The following WDPCP variants were observed in gnomAD, a reference collection of about 807,000 sequenced individuals.
WDPCP encodes WD repeat containing planar cell polarity effector.
Under a neutral mutation model 93.1 loss-of-function variants are expected in WDPCP, and 71 were observed. The ratio of observed to expected loss-of-function variants is 0.76; its 90% confidence interval spans 0.63 to 0.93. The LOEUF is 0.93. Ranked by LOEUF, WDPCP falls within the 40% of genes least tolerant of loss-of-function variation. The pLI, the probability that WDPCP is intolerant of heterozygous loss-of-function variation, is 0.00. For synonymous variants in WDPCP, 315 were observed against 315.0 expected (o/e 1.00, Z 0.00); for missense variants, 844 against 887.4 (o/e 0.95, Z 0.62).
chr2:63,478,824 A>T (rs1373117156), intron 6 of WDPCP, among the ~76,000 whole-genome samples: 1 of 152,100 alleles, frequency 6.6e-6, no homozygotes, highest in Non-Finnish European at 1.5e-5. Flanking sequence ...AATAACAAAG[A>T]TCAGAGCAGA....
intron 2 of WDPCP, among the ~76,000 whole-genome samples, chr2:63,682,611 T>A (rs1365901879): frequency 6.6e-6 from 1 of 152,050 alleles, no homozygotes; most frequent in Non-Finnish European, 1.5e-5. Flanking sequence ...GAGATACAGA[T>A]AGAAAGTTTA....
chr2:63,471,309 A>T (rs546723836), intron 6 of WDPCP, among the ~76,000 whole-genome samples: 3 of 152,370 alleles, frequency 2.0e-5, no homozygotes, highest in Admixed American at 6.5e-5. Flanking sequence ...CATATCTCAG[A>T]TTCAGACTTC....
chr2:63,605,889 C>A, intron 3 of WDPCP: 1 of 1,423,522 alleles, frequency 7.0e-7, no homozygotes, highest in Non-Finnish European at 9.9e-7. Flanking sequence ...GTTCATGTGT[C>A]AGTTGTGTAA....
At chr2:63,363,665 C>T (rs1457399202) in intron 12 of WDPCP, among the ~76,000 whole-genome samples, 1 of 151,994 alleles carries the variant, frequency 6.6e-6, no homozygotes, top group Non-Finnish European at 1.5e-5. Flanking sequence ...AATTATTAAC[C>T]TTCAAATACG....
At chr2:63,198,205 C>G (rs1040813696) in intron 14 of WDPCP, among the ~76,000 whole-genome samples, 1 of 152,182 alleles carries the variant, frequency 6.6e-6, no homozygotes, top group African/African-American at 2.4e-5. Context: ...TGAAGTTCAT[C>G]TTTTCTCCAC....
chr2:63,547,819 G>A (rs894347983), intron 1 of WDPCP, among the ~76,000 whole-genome samples: 1 of 151,962 alleles, frequency 6.6e-6, no homozygotes, highest in African/African-American at 2.4e-5. Flanking sequence ...GGAAGGTGGG[G>A]TGGGGGATGA....
chr2:63,752,844 C>G (rs919945541), intron 2 of WDPCP, among the ~76,000 whole-genome samples: 1 of 152,036 alleles, frequency 6.6e-6, no homozygotes, highest in African/African-American at 2.4e-5. Flanking sequence ...AGGCGCCCAC[C>G]ACCAGCCCAG....
chr2:63,661,036 C>T (rs1710220532), intron 2 of WDPCP, among the ~76,000 whole-genome samples: 1 of 152,174 alleles, frequency 6.6e-6, no homozygotes, highest in Non-Finnish European at 1.5e-5. Flanking sequence ...TACTTAACAT[C>T]ATCTGTAGTT....
At chr2:63,145,239 G>A (rs1671401346) in intron 17 of WDPCP, among the ~76,000 whole-genome samples, 2 of 152,102 alleles carry the variant, frequency 1.3e-5, no homozygotes, top group Non-Finnish European at 2.9e-5. Context: ...TTGGACTCTT[G>A]CCAGGAGGTG....
chr2:63,379,395 C>T (rs1692117495), intron 11 of WDPCP, among the ~76,000 whole-genome samples: 1 of 152,058 alleles, frequency 6.6e-6, no homozygotes, highest in South Asian at 2.1e-4. Flanking sequence ...TTAAATACCT[C>T]ATCAGAGTAA....
At chr2:63,545,703 C>G (rs922452362) in intron 1 of WDPCP, among the ~76,000 whole-genome samples, 4 of 151,874 alleles carry the variant, frequency 2.6e-5, no homozygotes, top group Non-Finnish European at 5.9e-5. Flanking sequence ...TCAGATCCAC[C>G]TAGAAACATT....
chr2:63,313,630 T>G, intron 12 of WDPCP, among the ~76,000 whole-genome samples: 1 of 151,994 alleles, frequency 6.6e-6, no homozygotes, highest in South Asian at 2.1e-4. Flanking sequence ...TTTGCCTGAA[T>G]CCCTCTCAGC....
intron 2 of WDPCP, among the ~76,000 whole-genome samples, chr2:63,691,419 G>C (rs1463042289): frequency 6.6e-6 from 1 of 152,166 alleles, no homozygotes; most frequent in Non-Finnish European, 1.5e-5. Context: ...CAGATCACTT[G>C]AGGTCAGGAG....
intron 14 of WDPCP, among the ~76,000 whole-genome samples, chr2:63,236,062 T>C (rs1023022224): frequency 6.6e-6 from 1 of 152,210 alleles, no homozygotes; most frequent in African/African-American, 2.4e-5. Flanking sequence ...GCTGATAATA[T>C]GATTCTGTAT....
Position 63,766,913 on chromosome 2 carries a change from C to T in WDPCP, n.308+46709G>A, listed in dbSNP as rs560519182. On this transcript the variant is annotated intron_variant and non_coding_transcript_variant, in intron 2 of 4. Transcript: ENST00000467687. ...CAATAACTCCCATTCCCTTCTATCC[C>T]GAGCCCATGGAAACCACTATTCTAC... Among the ~76,000 whole-genome samples, 58 of 152,208 alleles carry T rather than the reference C, an allele frequency of 3.8e-4. 1 individual carries two copies. The highest frequency in any genetic ancestry group is 1.3e-3 in the African/African-American group (53 of 41,550).
At chr2:63,437,820 G>A (rs1697238346) in intron 7 of WDPCP, 10 of 1,570,360 alleles carry the variant, frequency 6.4e-6, no homozygotes, top group Non-Finnish European at 8.7e-6. Flanking sequence ...GATGTATTTA[G>A]AAACAGGGCT....
At chr2:63,708,912 T>TA (rs1669214575) in intron 2 of WDPCP, among the ~76,000 whole-genome samples, 1 of 150,768 alleles carries the variant, frequency 6.6e-6, no homozygotes, top group Non-Finnish European at 1.5e-5. Flanking sequence ...GCCTGGCCAA[T>TA]AGCTACCCAT....
chr2:63,659,109 G>A (rs1163826319), intron 2 of WDPCP, among the ~76,000 whole-genome samples: 1 of 152,126 alleles, frequency 6.6e-6, no homozygotes, highest in African/African-American at 2.4e-5. Context: ...ACAAGAGATG[G>A]GGTAAATATA....
At chr2:63,580,082 C>A (rs1204087845) in intron 1 of WDPCP, among the ~76,000 whole-genome samples, 1 of 152,142 alleles carries the variant, frequency 6.6e-6, no homozygotes, top group Non-Finnish European at 1.5e-5. Context: ...GACTTCCAAG[C>A]CTCCAGGACT....
Sources: gnomAD v4.1 joint callset for allele counts (sites outside exome capture counted in the v4.1 genomes callset) on GRCh38, gnomAD v4.1.1 for gene constraint, MANE v1.5 for transcripts, NCBI Gene and HGNC (gene_info 2026-07-23, HGNC 2026-07-21) for gene names.